The following MAF variants were observed in gnomAD, a reference collection of about 807,000 sequenced individuals.
MAF encodes transcription factor Maf.
In MAF, 10 loss-of-function variants were observed where a neutral mutation model predicts 22.0. The ratio of observed to expected loss-of-function variants is 0.45; its 90% CI spans 0.28 to 0.77. The LOEUF (loss-of-function observed/expected upper bound fraction) is 0.77. Among genes scored for constraint, MAF ranks in the 30% least tolerant of loss-of-function variants. The pLI, the probability that MAF is intolerant of heterozygous loss-of-function variation, is 0.12. For missense variants in MAF, 544 were observed against 548.4 expected, an observed-to-expected ratio of 0.99 and a Z score of 0.08; for synonymous variants, 337 against 255.8, an observed-to-expected ratio of 1.32 and a Z score of -3.03.
chr16:79,223,218 A>G, the MAF span, among the ~76,000 whole-genome samples: 2 of 152,230 alleles, frequency 1.3e-5, no homozygotes, highest in South Asian at 2.1e-4. Context: ...AACTCACTCA[A>G]AACTGCACAA....
the MAF span, among the ~76,000 whole-genome samples, chr16:79,223,854 T>A: frequency 6.6e-6 from 1 of 152,016 alleles, no homozygotes; most frequent in African/African-American, 2.4e-5. Context: ...GTTCTGAAAT[T>A]GAGGGAGTAA....
the MAF span, among the ~76,000 whole-genome samples, chr16:79,521,416 G>GAA: frequency 2.2e-3 from 337 of 152,258 alleles, 1 homozygote; most frequent in African/African-American, 7.2e-3. Context: ...TGCAGATGAG[G>GAA]AAAGGGAAAA....
chr16:79,473,017 C>T, the MAF span, among the ~76,000 whole-genome samples: 1 of 151,964 alleles, frequency 6.6e-6, no homozygotes, highest in Non-Finnish European at 1.5e-5. Flanking sequence ...AGGACTGACG[C>T]TAAGCAAATA....
the MAF span, among the ~76,000 whole-genome samples, chr16:79,353,989 A>G: frequency 6.6e-6 from 1 of 151,770 alleles, no homozygotes; most frequent in Non-Finnish European, 1.5e-5. Flanking sequence ...TAAGCAGATC[A>G]TTTCTTTTTC....
the MAF span, among the ~76,000 whole-genome samples, chr16:79,486,190 T>G: frequency 6.6e-6 from 1 of 152,162 alleles, no homozygotes; most frequent in Non-Finnish European, 1.5e-5. Flanking sequence ...TCTCCCTTGA[T>G]TGTTAGAGGC....
chr16:79,407,264 C>A, the MAF span, among the ~76,000 whole-genome samples: 3 of 152,124 alleles, frequency 2.0e-5, no homozygotes, highest in East Asian at 3.9e-4. Flanking sequence ...CACCTCCAGA[C>A]GGGGGACAGG....
At chr16:79,220,993 G>A in the MAF span, among the ~76,000 whole-genome samples, 1 of 152,334 alleles carries the variant, frequency 6.6e-6, no homozygotes, top group Admixed American at 6.5e-5. Context: ...GGAGCATTGT[G>A]TCAGCGAAAT....
the MAF span, among the ~76,000 whole-genome samples, chr16:79,571,806 C>T: frequency 6.6e-6 from 1 of 152,262 alleles, no homozygotes; most frequent in East Asian, 1.9e-4. Flanking sequence ...GCTGGAAATG[C>T]TTTTCAGCCA....
the MAF span, among the ~76,000 whole-genome samples, chr16:79,246,683 T>C: frequency 1.3e-5 from 2 of 152,196 alleles, no homozygotes; most frequent in Non-Finnish European, 1.5e-5. Flanking sequence ...TGGCTTTCAG[T>C]AGGTGTCTTG....
chr16:79,288,256 T>G, the MAF span, among the ~76,000 whole-genome samples: 1 of 152,222 alleles, frequency 6.6e-6, no homozygotes, highest in East Asian at 1.9e-4. Flanking sequence ...TGGGCTGACC[T>G]GCTTTGACTA....
At chr16:79,229,432 A>G in the MAF span, 20 of 152,234 alleles carry the variant, frequency 1.3e-4, no homozygotes, top group African/African-American at 4.8e-4. Context: ...ACCTTCAGAT[A>G]GAGCTGCCTT....
the MAF span, among the ~76,000 whole-genome samples, chr16:79,525,573 T>A: frequency 2.6e-5 from 4 of 152,154 alleles, no homozygotes; most frequent in African/African-American, 9.7e-5. Flanking sequence ...ACCCTTAAGA[T>A]CCCCTTCAAG....
chr16:79,400,779 C>A, the MAF span, among the ~76,000 whole-genome samples: 1 of 152,246 alleles, frequency 6.6e-6, no homozygotes, highest in South Asian at 2.1e-4. Context: ...AAGTTTTGGC[C>A]TTGGCCATCA....
chr16:79,415,361 A>AGGCG, the MAF span, among the ~76,000 whole-genome samples: 1 of 151,090 alleles, frequency 6.6e-6, no homozygotes, highest in Non-Finnish European at 1.5e-5. Context: ...GCAGGCAGGC[A>AGGCG]AGAAGGAGGA....
At chr16:79,436,591 AC>A in the MAF span, among the ~76,000 whole-genome samples, 1 of 152,242 alleles carries the variant, frequency 6.6e-6, no homozygotes, top group Admixed American at 6.5e-5. Context: ...CATTTTGTTC[AC>A]CAGACTTGAC....
chr16:79,365,710 T>C, the MAF span, among the ~76,000 whole-genome samples: 3 of 152,200 alleles, frequency 2.0e-5, no homozygotes, highest in African/African-American at 7.2e-5. Context: ...AATGTTTTTA[T>C]GTCCCCCATC....
chr16:79,411,145 G>A, the MAF span, among the ~76,000 whole-genome samples: 1 of 152,098 alleles, frequency 6.6e-6, no homozygotes, highest in Admixed American at 6.5e-5. Flanking sequence ...CACTATTCAG[G>A]TGATTTTCCA....
At chr16:79,428,610 C>A in the MAF span, among the ~76,000 whole-genome samples, 1 of 152,068 alleles carries the variant, frequency 6.6e-6, no homozygotes, top group East Asian at 1.9e-4. Flanking sequence ...GAGGCCGAGG[C>A]AGGTGGATCA....
At chr16:79,249,883 A>T in the MAF span, among the ~76,000 whole-genome samples, 2 of 152,122 alleles carry the variant, frequency 1.3e-5, no homozygotes, top group Non-Finnish European at 2.9e-5. Context: ...TAATGGTCAT[A>T]ATGCTCACTG....
Sources: gnomAD v4.1 joint callset for allele counts (sites outside exome capture counted in the v4.1 genomes callset) on GRCh38, gnomAD v4.1.1 for gene constraint, MANE v1.5 for transcripts, NCBI Gene and HGNC (gene_info 2026-07-23, HGNC 2026-07-21) for gene names.